Variants in TNS3 observed in about 807,000 individuals in gnomAD.
TNS3 encodes the protein tensin 3, also known as tensin-3.
A neutral mutation model predicts 140.9 loss-of-function variants in TNS3; 45 were observed. The ratio of observed to expected loss-of-function variants is 0.32; its 90% CI spans 0.25 to 0.41. The LOEUF (loss-of-function observed/expected upper bound fraction) is 0.41, where lower values mean the gene tolerates loss of function less well. Among genes scored for constraint, TNS3 ranks in the 10% least tolerant of loss-of-function variants. TNS3 has a pLI of 1.00. For synonymous variants in TNS3, 815 were observed against 788.4 expected, an observed-to-expected ratio of 1.03 and a Z score of -0.56; for missense variants, 1,716 against 1,906.7, an observed-to-expected ratio of 0.90 and a Z score of 1.86.
chr7:47,359,056 A>C (rs1790168988), intron 17 of TNS3, among the ~76,000 whole-genome samples: 1 of 152,296 alleles, frequency 6.6e-6, no homozygotes. Context: ...CGCCCCAAAC[A>C]ACTGAAAGCA....
chr7:47,433,883 ATCTCTCTCTC>A (rs55743320), intron 8 of TNS3, among the ~76,000 whole-genome samples: 2,238 of 149,284 alleles, frequency 0.015, 31 homozygotes, highest in Non-Finnish European at 0.021. Context: ...CCGTCTGTCT[ATCTCTCTCTC>A]TCTCTCTCTC....
At chr7:47,500,501 C>T (rs73695360) in intron 3 of TNS3, among the ~76,000 whole-genome samples, 1,931 of 152,266 alleles carry the variant, frequency 0.013, 38 homozygotes, top group African/African-American at 0.044. Context: ...AGAAGTGTGA[C>T]GAGTAAATGA....
chr7:47,580,331 A>C (rs796481792), intron 1 of TNS3, among the ~76,000 whole-genome samples: 17 of 152,258 alleles, frequency 1.1e-4, no homozygotes, highest in African/African-American at 3.9e-4. Flanking sequence ...TCATAATCCC[A>C]ACTCCCTCCA....
chr7:47,483,601 CTT>C (rs1438746255), intron 3 of TNS3, among the ~76,000 whole-genome samples: 2 of 152,190 alleles, frequency 1.3e-5, no homozygotes, highest in Admixed American at 1.3e-4. Context: ...ATGTCAGAAA[CTT>C]GAGTTTTAAA....
At chr7:47,503,395 CT>C (rs1798299464) in intron 3 of TNS3, among the ~76,000 whole-genome samples, 1 of 152,036 alleles carries the variant, frequency 6.6e-6, no homozygotes, top group African/African-American at 2.4e-5. Flanking sequence ...CCAACATCTG[CT>C]TTCCTACAAC....
At chr7:47,337,222 T>C (rs1788684093) in intron 20 of TNS3, among the ~76,000 whole-genome samples, 1 of 152,226 alleles carries the variant, frequency 6.6e-6, no homozygotes, top group African/African-American at 2.4e-5. Flanking sequence ...TTTGCTGCAT[T>C]TGGGGCTGAG....
intron 20 of TNS3, among the ~76,000 whole-genome samples, chr7:47,335,314 G>A (rs1388666478): frequency 6.6e-6 from 1 of 152,218 alleles, no homozygotes; most frequent in Non-Finnish European, 1.5e-5. Context: ...TAAAGCTGGA[G>A]GCATTACATC....
chr7:47,358,065 T>A (rs935304892), intron 17 of TNS3, among the ~76,000 whole-genome samples: 13 of 152,304 alleles, frequency 8.5e-5, no homozygotes, highest in African/African-American at 3.1e-4. Context: ...CTTCAATGCC[T>A]GCCTGTTCAC....
At chr7:47,352,721 C>T (rs1789760304) in intron 17 of TNS3, among the ~76,000 whole-genome samples, 1 of 152,172 alleles carries the variant, frequency 6.6e-6, no homozygotes, top group African/African-American at 2.4e-5. Context: ...CAGCCAAAGG[C>T]ACCCTCTTCT....
chr7:47,431,044 A>C (rs1413416713), intron 8 of TNS3, among the ~76,000 whole-genome samples: 3 of 152,130 alleles, frequency 2.0e-5, no homozygotes, highest in African/African-American at 7.2e-5. Context: ...TTCTGACCAT[A>C]GTGGTATGAA....
chr7:47,293,394 T>C (rs1057337562), intron 25 of TNS3, among the ~76,000 whole-genome samples: 5 of 152,222 alleles, frequency 3.3e-5, no homozygotes, highest in African/African-American at 1.2e-4. Flanking sequence ...TTGGGAGCTC[T>C]ATGTTGTTCC....
rs117704226 is a variant in TNS3 at position 47,424,909 on chromosome 7, C to A, written c.390-725G>T. ...CACAGGAAGTGTCTGACAGAAACTT[C>A]CAGAAATCTCACAGCAGGGCATTCA... On this transcript the variant is annotated intron_variant, in intron 9 of 30. Coordinates refer to ENST00000311160, the MANE Select transcript of TNS3 (RefSeq NM_022748.12). Among the ~76,000 whole-genome samples the A allele has an allele frequency of 5.5e-3, 831 of 152,338 alleles. 9 individuals carry two copies. The highest frequency in any genetic ancestry group is 0.042 in the South Asian group (201 of 4,826).
chr7:47,308,416 A>G (rs534899158), intron 20 of TNS3, among the ~76,000 whole-genome samples: 25 of 152,314 alleles, frequency 1.6e-4, no homozygotes, highest in Non-Finnish European at 2.8e-4. Context: ...CTTAATGTTC[A>G]TAATCTTAAC....
intron 1 of TNS3, among the ~76,000 whole-genome samples, chr7:47,562,324 T>G (rs1800332966): frequency 6.6e-6 from 1 of 151,832 alleles, no homozygotes. Flanking sequence ...TGGAATTAGA[T>G]TTATTTGGTC....
chr7:47,546,274 G>A (rs767439860), intron 1 of TNS3, among the ~76,000 whole-genome samples: 2 of 152,144 alleles, frequency 1.3e-5, no homozygotes, highest in Non-Finnish European at 2.9e-5. Context: ...CATCTTACCT[G>A]AGCCACTTGT....
chr7:47,478,881 C>T (rs1438522370), intron 4 of TNS3, among the ~76,000 whole-genome samples: 1 of 151,910 alleles, frequency 6.6e-6, no homozygotes, highest in Non-Finnish European at 1.5e-5. Flanking sequence ...ATACATGTAA[C>T]AACTACATGC....
In TNS3 at chr7:47,369,467, G is replaced by C; in HGVS notation, c.1179C>G (p.Ser393=). The change falls in exon 17 of 31, where the codon TCC becomes TCG. Residue 393 remains serine (S), a synonymous_variant. Transcript: ENST00000311160. The part of the protein sequence containing the change: ...SDHTLSVSSD[S]GHSTASARTD... ...TCCTGGCAGAGGCTGTAGAGTGGCC[G>C]GAGTCACTGCTGACAGACAAGGTGT... 1 of 1,614,144 alleles carries C rather than the reference G, an allele frequency of 6.2e-7. No homozygotes were observed. The highest frequency in any genetic ancestry group is 8.5e-7 in the Non-Finnish European group (1 of 1,180,032).
intron 17 of TNS3, among the ~76,000 whole-genome samples, chr7:47,353,436 A>C (rs187423773): frequency 6.6e-6 from 1 of 152,306 alleles, no homozygotes. Context: ...TCTCTTCCAA[A>C]GTGACTGATT....
intron 24 of TNS3, among the ~76,000 whole-genome samples, chr7:47,295,345 C>A (rs1461382182): frequency 6.6e-6 from 1 of 152,180 alleles, no homozygotes; most frequent in East Asian, 1.9e-4. Context: ...ACGAAGGAGC[C>A]AACCAAAACC....
Sources: allele counts gnomAD v4.1 joint callset (sites outside exome capture counted in the v4.1 genomes callset), GRCh38; gene constraint gnomAD v4.1.1; transcripts MANE v1.5; gene names NCBI Gene and HGNC (gene_info 2026-07-23, HGNC 2026-07-21).